VBP1: variants seen among roughly 807,000 people sequenced by gnomAD.
VBP1 encodes the protein prefoldin subunit 3.
In VBP1, 4 loss-of-function variants were observed where a neutral mutation model predicts 15.5. The ratio of observed to expected loss-of-function variants is 0.26; its 90% confidence interval spans 0.13 to 0.59. The LOEUF is 0.59. Ranked by LOEUF, VBP1 falls within the 20% of genes least tolerant of loss-of-function variation. VBP1 has a pLI of 0.90. For missense variants in VBP1, 108 were observed against 139.6 expected (o/e 0.77, Z 1.14); for synonymous variants, 61 against 52.1 (o/e 1.17, Z -0.74).
intron 2 of VBP1, among the ~76,000 whole-genome samples, chrX:155,223,397 ACT>A (rs1363477337): frequency 9.4e-6 from 1 of 106,290 alleles, no homozygotes; most frequent in African/African-American, 3.4e-5. Context: ...AGTGGTGATG[ACT>A]CTTAACGAGC....
At position 155,239,756 on chromosome X, in the gene VBP1, GTATACT is replaced by G. The variant is rs1401556805; in HGVS notation, c.*920_*925del. 8 of 112,301 alleles carry G rather than the reference GTATACT, an allele frequency of 7.1e-5. No individual in the cohort carries two copies. The highest frequency in any genetic ancestry group is 2.3e-4 in the African/African-American group (7 of 30,886). 9.3% of individuals were successfully genotyped at this position (112,301 alleles called of 1,213,427 possible). On this transcript the variant is annotated 3_prime_UTR_variant, in exon 6 of 6. Transcript: ENST00000286428. ...TTAGTTCATCTCCATGTAGTAAAAAGTATACTTATACAATGTTTTGTACTTGTATTT... is the reference window on the plus strand; with the variant it reads ...TTAGTTCATCTCCATGTAGTAAAAAGTATACAATGTTTTGTACTTGTATTT...
At chrX:155,226,199 A>C (rs2074718957) in intron 2 of VBP1, among the ~76,000 whole-genome samples, 1 of 112,072 alleles carries the variant, frequency 8.9e-6, no homozygotes, top group African/African-American at 3.2e-5. Flanking sequence ...TGCAAAACAC[A>C]TGCATCTAAT....
chrX:155,214,602 T>A (rs1414716689), upstream of VBP1, among the ~76,000 whole-genome samples: 2 of 111,919 alleles, frequency 1.8e-5, no homozygotes, highest in African/African-American at 6.5e-5. Flanking sequence ...GGTGAAAAAC[T>A]ACAACCTTTT....
At chrX:155,234,639 CTCTCTCTCTT>C (rs2074763388) in intron 4 of VBP1, among the ~76,000 whole-genome samples, 1 of 111,287 alleles carries the variant, frequency 9.0e-6, no homozygotes, top group South Asian at 3.7e-4. Flanking sequence ...ATACTGTTTG[CTCTCTCTCTT>C]TCTCTCTCTC....
Position 155,236,234 on chromosome X carries a change from T to C in VBP1, c.390T>C (p.Asn130=). The C allele has an allele frequency of 8.3e-7, 1 of 1,209,024 alleles. No individual in the cohort carries two copies. Among genetic ancestry groups the C allele is most frequent in the Non-Finnish European group, 1.1e-6 (1 of 894,119 alleles). The change falls in exon 5 of 6, where the codon AAT becomes AAC. Residue 130 remains asparagine, a synonymous_variant. Transcript: ENST00000286428. ...TDKVCLWLGA[N]VMLEYDIDEA... is the part of the protein sequence containing the mutation. ...TCATGACTTTCTCTCTTCAGGCTAATGTAATGCTTGAATATGATATTGATG... is the reference window on the plus strand; with the variant it reads ...TCATGACTTTCTCTCTTCAGGCTAACGTAATGCTTGAATATGATATTGATG...
chrX:155,237,672 C>T (rs1206479990), intron 5 of VBP1, among the ~76,000 whole-genome samples: 1 of 111,776 alleles, frequency 8.9e-6, no homozygotes, highest in Non-Finnish European at 1.9e-5. Context: ...ACACTTTGTT[C>T]CTCCTAACTG....
chrX:155,202,543 C>G (rs1223382654), intron 1 of VBP1, among the ~76,000 whole-genome samples: 1 of 109,767 alleles, frequency 9.1e-6, no homozygotes, highest in Non-Finnish European at 1.9e-5. Flanking sequence ...GCCGGGAAAA[C>G]TGGCTAGCCA....
upstream of VBP1, among the ~76,000 whole-genome samples, chrX:155,212,290 G>A (rs182839695): frequency 7.1e-5 from 8 of 112,134 alleles, no homozygotes; most frequent in East Asian, 2.2e-3. Context: ...GAACATGAAA[G>A]CAGAGTTTGA....
chrX:155,216,808 A>ACGAGGGG (rs1370606311), intron 1 of VBP1, among the ~76,000 whole-genome samples: 8 of 111,733 alleles, frequency 7.2e-5, no homozygotes, highest in South Asian at 3.7e-4. Flanking sequence ...CGGGGCCGGG[A>ACGAGGGG]CGAGGGGCGA....
intron 2 of VBP1, among the ~76,000 whole-genome samples, chrX:155,224,401 A>G (rs1161437315): frequency 8.9e-6 from 1 of 112,954 alleles, no homozygotes; most frequent in Non-Finnish European, 1.9e-5. Context: ...GGAGCTGGAG[A>G]CCAGCCCGGC....
intron 1 of VBP1, among the ~76,000 whole-genome samples, chrX:155,207,788 A>C (rs781920613): frequency 3.6e-5 from 4 of 111,778 alleles, no homozygotes; most frequent in Non-Finnish European, 7.5e-5. Context: ...GTCTGTCGAG[A>C]AAATTAATGT....
intron 2 of VBP1, among the ~76,000 whole-genome samples, chrX:155,225,414 G>A (rs1050486607): frequency 1.8e-5 from 2 of 111,631 alleles, no homozygotes; most frequent in African/African-American, 3.3e-5. Flanking sequence ...TGGCCAGGCC[G>A]GTCTCGAACT....
intron 2 of VBP1, among the ~76,000 whole-genome samples, chrX:155,226,332 G>A (rs1158096927): frequency 9.0e-6 from 1 of 111,633 alleles, no homozygotes; most frequent in East Asian, 2.8e-4. Flanking sequence ...GATTGCATTT[G>A]GGAGTCACTT....
chrX:155,230,395 G>C (rs929665203), intron 4 of VBP1, among the ~76,000 whole-genome samples: 1 of 111,382 alleles, frequency 9.0e-6, no homozygotes, highest in Non-Finnish European at 1.9e-5. Context: ...TTACTTCCAC[G>C]TAAGGTCACA....
chrX:155,227,262 A>G lies in VBP1; in HGVS notation c.246A>G (p.Lys82=), dbSNP rs2074723747. Residue 82 remains lysine, a synonymous_variant, in exon 3 of 6, where the codon AAA becomes AAG. Coordinates refer to ENST00000286428, the MANE Select transcript of VBP1 (RefSeq NM_003372.7). ...TAAAAGGTCAGATTCCTGAAATTAA[A>G]CAGACTTTGGAAATTCTAAAATACA... The part of the protein sequence containing the change: ...RRLKGQIPEI[K]QTLEILKYMQ... The G allele has an allele frequency of 8.5e-7, 1 of 1,182,440 alleles. No homozygotes were observed. The highest frequency in any genetic ancestry group is 1.1e-6 in the Non-Finnish European group (1 of 885,429).
At chrX:155,219,792 TCTAA>T (rs1471712333) in intron 1 of VBP1, among the ~76,000 whole-genome samples, 1 of 111,080 alleles carries the variant, frequency 9.0e-6, no homozygotes, top group Non-Finnish European at 1.9e-5. Context: ...TGAAATTGTC[TCTAA>T]CTTTTTATAA....
At chrX:155,235,903 A>G (rs1364407418) in intron 4 of VBP1, among the ~76,000 whole-genome samples, 4 of 112,181 alleles carry the variant, frequency 3.6e-5, no homozygotes, top group Admixed American at 9.4e-5. Flanking sequence ...GAAGAAGACA[A>G]CTTTGGCCTC....
chrX:155,200,319 C>A (rs1373358750), intron 1 of VBP1, among the ~76,000 whole-genome samples: 21 of 104,960 alleles, frequency 2.0e-4, no homozygotes, highest in African/African-American at 7.3e-4. Flanking sequence ...TTTTTCAGCA[C>A]CACACCACAC....
intron 2 of VBP1, among the ~76,000 whole-genome samples, chrX:155,222,405 G>A (rs2074693641): frequency 9.0e-6 from 1 of 111,385 alleles, no homozygotes; most frequent in South Asian, 3.8e-4. Context: ...AGCCAGGGAG[G>A]TTGAGGCTGC....
Sources: gnomAD v4.1 joint callset for allele counts (sites outside exome capture counted in the v4.1 genomes callset) on GRCh38, gnomAD v4.1.1 for gene constraint, MANE v1.5 for transcripts, NCBI Gene and HGNC (gene_info 2026-07-23, HGNC 2026-07-21) for gene names.